ETNK1: variants seen among roughly 807,000 people sequenced by gnomAD.
ETNK1 encodes the protein putative protein product of Nbla10396.
ETNK1 carries 8 observed loss-of-function variants against 45.1 expected under a neutral mutation model. That is an observed-to-expected ratio of 0.18 (90% CI 0.10 to 0.32). The LOEUF (loss-of-function observed/expected upper bound fraction) is 0.32. Ranked by LOEUF, ETNK1 falls within the 10% of genes least tolerant of loss-of-function variation. ETNK1 has a pLI of 1.00. For synonymous variants in ETNK1, 152 were observed against 151.9 expected, an observed-to-expected ratio of 1.00 and a Z score of -0.01; for missense variants, 302 against 430.6, an observed-to-expected ratio of 0.70 and a Z score of 2.64.
rs1490895746 is a variant in ETNK1, at chr12:22,625,475, C to G, written c.45C>G (p.Pro15=). The change falls in exon 1 of 8, where the codon CCC becomes CCG. Residue 15 remains proline (P), a synonymous_variant. Coordinates refer to ENST00000266517, the MANE Select transcript of ETNK1 (RefSeq NM_018638.5). Reference sequence around the variant, plus strand: ...TCCCTCCCGGCTCCCCGGAGGTGCCCAAGCTGAACGTCACCGTTCAGGATC... The same window carrying G: ...TCCCTCCCGGCTCCCCGGAGGTGCCGAAGCTGAACGTCACCGTTCAGGATC... ...IHVPPGSPEV[P]KLNVTVQDQE... The G allele has an allele frequency of 1.9e-6, 3 of 1,603,408 alleles. No homozygotes were observed. Among genetic ancestry groups the G allele is most frequent in the Non-Finnish European group, 2.6e-6 (3 of 1,175,532 alleles).
At chr12:22,640,396 C>CTTT (rs77034488) in intron 1 of ETNK1, among the ~76,000 whole-genome samples, 1 of 126,472 alleles carries the variant, frequency 7.9e-6, no homozygotes, top group Non-Finnish European at 1.7e-5. Flanking sequence ...AATTGAAAGC[C>CTTT]TTTTTTTTTT....
intron 6 of ETNK1, among the ~76,000 whole-genome samples, chr12:22,679,208 C>A (rs140565847): frequency 6.6e-6 from 1 of 152,264 alleles, no homozygotes; most frequent in African/African-American, 2.4e-5. Context: ...CCAGAAGAGC[C>A]GACAGTGCTG....
At chr12:22,630,877 C>G (rs1456766839) in intron 1 of ETNK1, among the ~76,000 whole-genome samples, 4 of 152,052 alleles carry the variant, frequency 2.6e-5, no homozygotes, top group Non-Finnish European at 5.9e-5. Context: ...TCCCAAAATA[C>G]TGGGATTACA....
intron 3 of ETNK1, among the ~76,000 whole-genome samples, chr12:22,659,651 A>G (rs970080401): frequency 6.6e-6 from 1 of 152,220 alleles, no homozygotes; most frequent in African/African-American, 2.4e-5. Context: ...TATATTAACC[A>G]TATAGAGTTT....
chr12:22,649,377 T>G (rs927037527), intron 2 of ETNK1, among the ~76,000 whole-genome samples: 1 of 152,134 alleles, frequency 6.6e-6, no homozygotes, highest in African/African-American at 2.4e-5. Flanking sequence ...TAATCCATTT[T>G]GACAGAATTT....
chr12:22,638,853 G>A (rs1953690867), intron 1 of ETNK1: 1 of 152,044 alleles, frequency 6.6e-6, no homozygotes, highest in African/African-American at 2.4e-5. Flanking sequence ...GTATTTTAAA[G>A]CAAATCTCAG....
rs1953470812 is a variant in ETNK1, at chr12:22,625,258, G to C, written c.-173G>C. On this transcript the variant is annotated 5_prime_UTR_variant, in exon 1 of 8. Coordinates refer to ENST00000266517, the MANE Select transcript of ETNK1 (RefSeq NM_018638.5). ...TCAGCTGCTGTCCAGACCCGGATCG[G>C]CAACAGTGCCGCCTCCAGACGTTCT... 1.9e-6 allele frequency: 3 copies of C among 1,610,992 alleles called. No homozygotes were observed. The highest frequency in any genetic ancestry group is 2.5e-6 in the Non-Finnish European group (3 of 1,179,318).
At chr12:22,638,291 T>A (rs1953681464) in intron 1 of ETNK1, among the ~76,000 whole-genome samples, 1 of 150,868 alleles carries the variant, frequency 6.6e-6, no homozygotes, top group South Asian at 2.1e-4. Context: ...TCACTTTGTC[T>A]CCCAGGCTGG....
At chr12:22,625,841 C>A in intron 1 of ETNK1, 1 of 693,202 alleles carries the variant, frequency 1.4e-6, no homozygotes, top group Non-Finnish European at 2.6e-6. Flanking sequence ...ACGGACCCAT[C>A]CACGGGGGGA....
chr12:22,650,267 T>A (rs998577803), intron 2 of ETNK1, among the ~76,000 whole-genome samples: 6 of 151,926 alleles, frequency 3.9e-5, no homozygotes, highest in Non-Finnish European at 7.4e-5. Flanking sequence ...TCTTACCTCT[T>A]ATTTTTTTTC....
chr12:22,634,641 A>AT (rs1166872070), intron 1 of ETNK1, among the ~76,000 whole-genome samples: 1 of 152,114 alleles, frequency 6.6e-6, no homozygotes, highest in East Asian at 1.9e-4. Flanking sequence ...GTTGCCCAGG[A>AT]TTGAGTGCAG....
intron 2 of ETNK1, among the ~76,000 whole-genome samples, chr12:22,644,857 C>G (rs986942192): frequency 2.0e-5 from 3 of 151,898 alleles, no homozygotes; most frequent in Non-Finnish European, 2.9e-5. Flanking sequence ...ATAGTTTCAA[C>G]TTTACAAAGC....
intron 2 of ETNK1, among the ~76,000 whole-genome samples, chr12:22,651,921 G>A (rs1248167845): frequency 1.3e-5 from 2 of 151,946 alleles, no homozygotes; most frequent in East Asian, 3.9e-4. Context: ...CCAGACCTCA[G>A]GTGATCTGCC....
chr12:22,660,640 T>C (rs1953990332), intron 3 of ETNK1, among the ~76,000 whole-genome samples: 1 of 152,166 alleles, frequency 6.6e-6, no homozygotes, highest in Non-Finnish European at 1.5e-5. Flanking sequence ...CCTTGAAATA[T>C]GTATTTTTAA....
At chr12:22,672,358 A>C (rs1308976084) in intron 5 of ETNK1, among the ~76,000 whole-genome samples, 1 of 152,012 alleles carries the variant, frequency 6.6e-6, no homozygotes, top group South Asian at 2.1e-4. Context: ...TGTTGAATTT[A>C]TATTTGTGTA....
Position 22,689,078 on chromosome 12 carries a change from A to G in ETNK1, c.*4124A>G, listed in dbSNP as rs537521626. 2.0e-5 allele frequency: 3 copies of G among 152,012 alleles called. No individual in the cohort carries two copies. Among genetic ancestry groups the G allele is most frequent in the African/African-American group, 7.2e-5 (3 of 41,544 alleles). 9.4% of individuals were successfully genotyped at this position (152,012 alleles called of 1,614,324 possible). A position where few individuals can be genotyped will look rare whatever the true frequency, so the allele number is the denominator to read the frequency against. ...TGTAACAGAAAATACTTGGGTATGCATTACTTGAATACTTGAAAACTGAAA... is the reference window on the plus strand; with the variant it reads ...TGTAACAGAAAATACTTGGGTATGCGTTACTTGAATACTTGAAAACTGAAA... On this transcript the variant is annotated 3_prime_UTR_variant, in exon 8 of 8. Coordinates refer to ENST00000266517, the MANE Select transcript of ETNK1 (RefSeq NM_018638.5).
intron 1 of ETNK1, among the ~76,000 whole-genome samples, chr12:22,642,888 C>A (rs1424955058): frequency 6.6e-6 from 1 of 151,962 alleles, no homozygotes; most frequent in Non-Finnish European, 1.5e-5. Context: ...ATGAAAATTA[C>A]AATTTTTAAT....
chr12:22,633,331 A>G (rs1953605432), intron 1 of ETNK1, among the ~76,000 whole-genome samples: 1 of 152,172 alleles, frequency 6.6e-6, no homozygotes, highest in South Asian at 2.1e-4. Flanking sequence ...GGCCTCCCAA[A>G]GTGCTGGGAT....
chr12:22,656,681 C>G (rs1953945323), intron 2 of ETNK1: 1 of 985,174 alleles, frequency 1.0e-6, no homozygotes, highest in East Asian at 1.1e-4. Context: ...CGTGTGTCCC[C>G]TTTGCAAAGG....
Sources: gnomAD v4.1 joint callset for allele counts (sites outside exome capture counted in the v4.1 genomes callset) on GRCh38, gnomAD v4.1.1 for gene constraint, MANE v1.5 for transcripts, NCBI Gene and HGNC (gene_info 2026-07-23, HGNC 2026-07-21) for gene names.